The following RBFOX1 variants were observed in gnomAD, a reference collection of about 807,000 sequenced individuals.
RBFOX1 encodes RNA binding fox-1 homolog 1.
Under a neutral mutation model 57.7 loss-of-function variants are expected in RBFOX1, and 8 were observed. The ratio of observed to expected loss-of-function variants is 0.14; its 90% CI spans 0.08 to 0.25. The LOEUF (loss-of-function observed/expected upper bound fraction) is 0.25. Among genes scored for constraint, RBFOX1 ranks in the 10% least tolerant of loss-of-function variants. RBFOX1 has a pLI of 1.00. For synonymous variants in RBFOX1, 326 were observed against 222.4 expected (o/e 1.47, Z -4.15); for missense variants, 611 against 548.5 (o/e 1.11, Z -1.14).
intron 1 of RBFOX1, among the ~76,000 whole-genome samples, chr16:6,270,606 A>G (rs1249429222): frequency 6.6e-6 from 1 of 152,216 alleles, no homozygotes; most frequent in Admixed American, 6.5e-5. Flanking sequence ...TATAACTCAA[A>G]GGAGAAATGG....
chr16:6,786,043 C>T (rs960389055), intron 3 of RBFOX1, among the ~76,000 whole-genome samples: 2 of 152,228 alleles, frequency 1.3e-5, no homozygotes, highest in African/African-American at 2.4e-5. Flanking sequence ...ATGGTAGTGT[C>T]TGCACTGGGG....
chr16:7,465,724 G>A (rs542985198), intron 4 of RBFOX1, among the ~76,000 whole-genome samples: 1 of 152,284 alleles, frequency 6.6e-6, no homozygotes, highest in African/African-American at 2.4e-5. Flanking sequence ...ATTAAATGCA[G>A]ATTTGTGGGT....
At chr16:5,526,195 C>G (rs540076394) in intron 2 of RBFOX1, among the ~76,000 whole-genome samples, 1 of 152,122 alleles carries the variant, frequency 6.6e-6, no homozygotes, top group African/African-American at 2.4e-5. Context: ...CATTGTTATC[C>G]TTGTCGAAGG....
At chr16:7,543,507 A>C (rs140657453) in intron 5 of RBFOX1, among the ~76,000 whole-genome samples, 2 of 152,274 alleles carry the variant, frequency 1.3e-5, no homozygotes, top group African/African-American at 4.8e-5. Context: ...CCATTTTCAG[A>C]GGAGACAATG....
At chr16:5,276,201 A>C (rs914970713) in intron 1 of RBFOX1, among the ~76,000 whole-genome samples, 1 of 152,224 alleles carries the variant, frequency 6.6e-6, no homozygotes, top group Non-Finnish European at 1.5e-5. Context: ...AATTAAACTA[A>C]AAGCCTCCTG....
intron 4 of RBFOX1, among the ~76,000 whole-genome samples, chr16:7,133,274 T>C (rs2071019342): frequency 6.6e-6 from 1 of 152,202 alleles, no homozygotes; most frequent in South Asian, 2.1e-4. Flanking sequence ...GATATTGTTT[T>C]GTATATAAGC....
intron 2 of RBFOX1, among the ~76,000 whole-genome samples, chr16:6,529,279 CTG>C (rs577095702): frequency 2.5e-4 from 38 of 152,200 alleles, no homozygotes; most frequent in African/African-American, 8.9e-4. Context: ...ATAATTTACC[CTG>C]TCCAGGCACG....
At chr16:5,659,052 A>T (rs2049557913) in intron 3 of RBFOX1, among the ~76,000 whole-genome samples, 1 of 151,840 alleles carries the variant, frequency 6.6e-6, no homozygotes, top group African/African-American at 2.4e-5. Flanking sequence ...CAAATGGTAG[A>T]TCTGCTTTTA....
chr16:5,990,103 AG>A (rs2060365783), intron 4 of RBFOX1, among the ~76,000 whole-genome samples: 1 of 152,114 alleles, frequency 6.6e-6, no homozygotes. Flanking sequence ...CTTGCTCCTC[AG>A]CCTCTGGAGT....
intron 3 of RBFOX1, among the ~76,000 whole-genome samples, chr16:6,855,236 G>A (rs1368423810): frequency 6.6e-6 from 1 of 152,062 alleles, no homozygotes; most frequent in Admixed American, 6.5e-5. Context: ...GTGAACATAT[G>A]CATGAGGAAG....
At chr16:6,039,098 A>G (rs1209597895) in intron 1 of RBFOX1, 1 of 151,550 alleles carries the variant, frequency 6.6e-6, no homozygotes. Context: ...AACTGTGTGC[A>G]TAGCGGGGAG....
chr16:5,391,829 TACAC>T (rs750921189), intron 1 of RBFOX1, among the ~76,000 whole-genome samples: 1 of 150,928 alleles, frequency 6.6e-6, no homozygotes, highest in Non-Finnish European at 1.5e-5. Flanking sequence ...TGTATATATA[TACAC>T]ACACACCATA....
At chr16:6,396,535 G>A (rs115314652) in intron 2 of RBFOX1, among the ~76,000 whole-genome samples, 4,178 of 152,234 alleles carry the variant, frequency 0.027, 172 homozygotes, top group African/African-American at 0.091. Flanking sequence ...AGGGGAGCCC[G>A]TGGGAAGCCA....
rs1475660602 is a variant in RBFOX1, at chr16:5,709,833, ATATATATATATTTTTTTTTTTTT to A, written c.318+110874_318+110896del. Among the ~76,000 whole-genome samples the A allele has an allele frequency of 4.5e-3, 32 of 7,164 alleles. 1 individual carries two copies. The highest frequency in any genetic ancestry group is 0.039 in the Admixed American group (13 of 336). 4.7% of individuals were successfully genotyped at this position (7,164 alleles called of 152,430 possible). The stretch of plus-strand genomic sequence containing the variant: ...TTTATATATATATATATATATATAT[ATATATATATATTTTTTTTTTTTT>A]TTTTTTTTTTTTTTTTTTTTTACCA... On this transcript the variant is annotated intron_variant, in intron 3 of 19. Transcript: ENST00000641259.
At chr16:6,350,300 G>T (rs1384207960) in intron 2 of RBFOX1, among the ~76,000 whole-genome samples, 2 of 151,732 alleles carry the variant, frequency 1.3e-5, no homozygotes, top group Non-Finnish European at 2.9e-5. Context: ...GCCGGGTGTG[G>T]TTGCGTTGCG....
intron 4 of RBFOX1, among the ~76,000 whole-genome samples, chr16:7,108,004 G>A (rs2063917680): frequency 1.3e-5 from 2 of 150,424 alleles, no homozygotes; most frequent in Non-Finnish European, 3.0e-5. Flanking sequence ...AAAGGGGGAT[G>A]ACAGTGACAT....
intron 4 of RBFOX1, among the ~76,000 whole-genome samples, chr16:5,999,673 A>G (rs1040982011): frequency 1.3e-5 from 2 of 152,100 alleles, no homozygotes; most frequent in Admixed American, 1.3e-4. Context: ...CATTCTGGCT[A>G]ACACGGTGAA....
chr16:5,900,542 G>T (rs139283308), intron 4 of RBFOX1, among the ~76,000 whole-genome samples: 2 of 152,106 alleles, frequency 1.3e-5, no homozygotes, highest in South Asian at 2.1e-4. Flanking sequence ...GGAGACCTTT[G>T]TCTGGACCCG....
chr16:7,078,633 C>A (rs1388658463), intron 4 of RBFOX1, among the ~76,000 whole-genome samples: 1 of 151,636 alleles, frequency 6.6e-6, no homozygotes, highest in African/African-American at 2.4e-5. Context: ...CAGGCATGAG[C>A]CACCACACCC....
Sources: gnomAD v4.1 joint callset for allele counts (sites outside exome capture counted in the v4.1 genomes callset) on GRCh38, gnomAD v4.1.1 for gene constraint, MANE v1.5 for transcripts, NCBI Gene and HGNC (gene_info 2026-07-23, HGNC 2026-07-21) for gene names.